The following FOXN2 variants were observed in gnomAD, a reference collection of about 807,000 sequenced individuals.
FOXN2 encodes forkhead box protein N2.
FOXN2 carries 19 observed loss-of-function variants against 41.2 expected under a neutral mutation model. That is an observed-to-expected ratio of 0.46 (90% CI 0.32 to 0.68). The LOEUF is 0.68. Ranked by LOEUF, FOXN2 falls within the 30% of genes least tolerant of loss-of-function variation. The pLI, the probability that FOXN2 is intolerant of heterozygous loss-of-function variation, is 0.03. For synonymous variants in FOXN2, 195 were observed against 176.8 expected, an observed-to-expected ratio of 1.10 and a Z score of -0.82; for missense variants, 587 against 509.4, an observed-to-expected ratio of 1.15 and a Z score of -1.47.
rs1345859550 is a variant in FOXN2 at position 48,361,423 on chromosome 2, C to T, written c.639-1220C>T. Among the ~76,000 whole-genome samples the T allele has an allele frequency of 3.3e-5, 5 of 150,386 alleles. No individual in the cohort carries two copies. The South Asian group carries it at 8.4e-4, about 25-fold the overall frequency. On this transcript the variant is annotated intron_variant, in intron 4 of 6. Transcript: ENST00000340553. ...CAGAGGTTGCAGTGAGCCGAGATTG[C>T]GCCACTGCTCTCCAGCCTGGGCGAC...
At chr2:48,335,982 C>A (rs141325985) in intron 2 of FOXN2, among the ~76,000 whole-genome samples, 33 of 150,712 alleles carry the variant, frequency 2.2e-4, no homozygotes, top group African/African-American at 7.6e-4. Flanking sequence ...GAGTGAACAT[C>A]GCACCACCGC....
Position 48,373,158 on chromosome 2 carries a change from G to A in FOXN2, c.704-134G>A, listed in dbSNP as rs1194946982. 5.1e-6 allele frequency: 3 copies of A among 590,364 alleles called. No homozygotes were observed. The East Asian group carries it at 9.6e-5, about 19-fold the overall frequency. 36.6% of individuals were successfully genotyped at this position (590,364 alleles called of 1,614,324 possible). A position where few individuals can be genotyped will look rare whatever the true frequency, so the allele number is the denominator to read the frequency against. ...GAATAATATATAATATCTCATTTTT[G>A]TTTGATGTGCGTTTATGCTTTCTTA... On this transcript the variant is annotated intron_variant, in intron 5 of 6. Transcript: ENST00000340553.
In FOXN2 at chr2:48,359,096, A is replaced by G. The variant is rs559746119; in HGVS notation, c.587A>G (p.Asn196Ser). The G allele has an allele frequency of 4.4e-5, 71 of 1,613,570 alleles. 1 individual carries two copies. The highest frequency in any genetic ancestry group is 3.3e-4 in the Middle Eastern group (2 of 6,056). ...TGTGTTGATCCGGAATATAAACCCAATCTTATCCAGGCACTGAAGAAGCAA... is the reference window on the plus strand; with the variant it reads ...TGTGTTGATCCGGAATATAAACCCAGTCTTATCCAGGCACTGAAGAAGCAA... ...LWCVDPEYKP[N>S]LIQALKKQPF... is the part of the protein sequence containing the mutation. Residue 196 changes from asparagine (N) to serine (S), a missense_variant, in exon 4 of 7, where the codon AAT becomes AGT. Transcript: ENST00000340553.
chr2:48,338,249 G>A (rs1670495559), intron 2 of FOXN2, among the ~76,000 whole-genome samples: 1 of 152,150 alleles, frequency 6.6e-6, no homozygotes, highest in Non-Finnish European at 1.5e-5. Flanking sequence ...TCTTTAGTAG[G>A]AGATGTTAAA....
At chr2:48,338,521 C>T (rs1346133787) in intron 2 of FOXN2, among the ~76,000 whole-genome samples, 2 of 152,054 alleles carry the variant, frequency 1.3e-5, no homozygotes, top group African/African-American at 4.8e-5. Context: ...CCTGCCTCAG[C>T]CTCCCCAGCA....
intron 2 of FOXN2, among the ~76,000 whole-genome samples, chr2:48,345,830 G>A (rs1054396543): frequency 6.6e-6 from 1 of 151,924 alleles, no homozygotes; most frequent in Non-Finnish European, 1.5e-5. Flanking sequence ...CTTAAGATAC[G>A]TATAAAGTCT....
At chr2:48,363,321 T>C (rs1672320451) in intron 5 of FOXN2, among the ~76,000 whole-genome samples, 1 of 152,174 alleles carries the variant, frequency 6.6e-6, no homozygotes, top group Non-Finnish European at 1.5e-5. Flanking sequence ...AAAATATTTT[T>C]ATACAGCTGT....
intron 3 of FOXN2, among the ~76,000 whole-genome samples, chr2:48,351,945 G>A (rs1230112352): frequency 6.6e-6 from 1 of 152,192 alleles, no homozygotes; most frequent in Non-Finnish European, 1.5e-5. Flanking sequence ...TGGGAGTTTG[G>A]GGCAGTAGGC....
chr2:48,314,176 G>T (rs1053140182), upstream of FOXN2, among the ~76,000 whole-genome samples: 8 of 152,226 alleles, frequency 5.3e-5, no homozygotes, highest in Non-Finnish European at 1.2e-4. Context: ...CCCACATAAC[G>T]TGGGGTGTCG....
At chr2:48,329,561 A>G (rs1005240355) in intron 2 of FOXN2, among the ~76,000 whole-genome samples, 17 of 152,126 alleles carry the variant, frequency 1.1e-4, no homozygotes, top group African/African-American at 4.1e-4. Context: ...TTTAGAGACA[A>G]TGGATCACAT....
intron 3 of FOXN2, among the ~76,000 whole-genome samples, chr2:48,355,896 A>G (rs1671760990): frequency 6.6e-6 from 1 of 152,204 alleles, no homozygotes; most frequent in South Asian, 2.1e-4. Context: ...TCTGGATTTT[A>G]AATTTGTTAA....
At chr2:48,313,918 G>A (rs916361730), upstream of FOXN2, among the ~76,000 whole-genome samples, 1 of 152,134 alleles carries the variant, frequency 6.6e-6, no homozygotes, top group Non-Finnish European at 1.5e-5. Context: ...CCTGTATTTC[G>A]TGTGGCAAAG....
chr2:48,357,567 G>C (rs1260564405), intron 3 of FOXN2, among the ~76,000 whole-genome samples: 1 of 150,858 alleles, frequency 6.6e-6, no homozygotes. Flanking sequence ...CTCCTGAATA[G>C]CTGAGACTAT....
intron 3 of FOXN2, among the ~76,000 whole-genome samples, chr2:48,347,268 C>A (rs1484733390): frequency 7.0e-6 from 1 of 142,518 alleles, no homozygotes. Flanking sequence ...GATCTGTCAC[C>A]CAGCCTGGAG....
intron 1 of FOXN2, among the ~76,000 whole-genome samples, chr2:48,315,294 C>G (rs369849130): frequency 1.8e-4 from 28 of 152,286 alleles, no homozygotes; most frequent in African/African-American, 6.5e-4. Context: ...ATGTCGGGCT[C>G]GGAGTCCTCG....
At chr2:48,334,662 G>A (rs1380624546) in intron 2 of FOXN2, among the ~76,000 whole-genome samples, 1 of 152,182 alleles carries the variant, frequency 6.6e-6, no homozygotes, top group African/African-American at 2.4e-5. Flanking sequence ...TTGCTTTGAG[G>A]ATATTTGCCA....
At chr2:48,336,947 G>T (rs568949579) in intron 2 of FOXN2, among the ~76,000 whole-genome samples, 1 of 151,900 alleles carries the variant, frequency 6.6e-6, no homozygotes, top group African/African-American at 2.4e-5. Flanking sequence ...TTTATCCTTT[G>T]AGTTACAGAT....
At chr2:48,318,297 C>T (rs187123927) in intron 1 of FOXN2, among the ~76,000 whole-genome samples, 2 of 152,252 alleles carry the variant, frequency 1.3e-5, no homozygotes, top group East Asian at 3.9e-4. Context: ...CTTTCTATGA[C>T]TTCTCTTTGT....
At chr2:48,336,514 A>G (rs529899640) in intron 2 of FOXN2, among the ~76,000 whole-genome samples, 1 of 151,936 alleles carries the variant, frequency 6.6e-6, no homozygotes, top group East Asian at 1.9e-4. Flanking sequence ...TTAGAAGTAT[A>G]TATCAAAATT....
Sources: allele counts gnomAD v4.1 joint callset (sites outside exome capture counted in the v4.1 genomes callset), GRCh38; gene constraint gnomAD v4.1.1; transcripts MANE v1.5; gene names NCBI Gene and HGNC (gene_info 2026-07-23, HGNC 2026-07-21).